Variants in KCNQ3 observed in about 807,000 individuals in gnomAD.
KCNQ3 encodes the protein potassium voltage-gated channel subfamily KQT member 3.
Under a neutral mutation model 92.5 loss-of-function variants are expected in KCNQ3, and 30 were observed. The ratio of observed to expected loss-of-function variants is 0.32; its 90% CI spans 0.24 to 0.44. KCNQ3 has a LOEUF of 0.44. Among genes scored for constraint, KCNQ3 ranks in the 20% least tolerant of loss-of-function variants. The pLI is 1.00. For synonymous variants in KCNQ3, 450 were observed against 468.8 expected (o/e 0.96, Z 0.52); for missense variants, 913 against 1,140.3 (o/e 0.80, Z 2.87).
intron 1 of KCNQ3, among the ~76,000 whole-genome samples, chr8:132,375,950 G>A (rs1410540228): frequency 6.6e-6 from 1 of 152,104 alleles, no homozygotes; most frequent in Non-Finnish European, 1.5e-5. Context: ...TAGAAATCTG[G>A]GTCTCATTTA....
intron 1 of KCNQ3, among the ~76,000 whole-genome samples, chr8:132,346,741 G>C (rs924672170): frequency 1.3e-5 from 2 of 152,198 alleles, no homozygotes; most frequent in African/African-American, 2.4e-5. Context: ...TCTCCTACCA[G>C]ACTTGTTTAA....
intron 1 of KCNQ3, among the ~76,000 whole-genome samples, chr8:132,334,231 C>T (rs553677391): frequency 2.6e-5 from 4 of 151,804 alleles, no homozygotes; most frequent in South Asian, 4.2e-4. Flanking sequence ...CCTGTAATCT[C>T]GGAGGCGGAG....
chr8:132,462,108 C>T (rs927442127), intron 1 of KCNQ3, among the ~76,000 whole-genome samples: 1 of 152,122 alleles, frequency 6.6e-6, no homozygotes, highest in African/African-American at 2.4e-5. Flanking sequence ...CAAGTGTAAA[C>T]CATAAAAATC....
At position 132,412,042 on chromosome 8, in the gene KCNQ3, T is replaced by C. The variant is rs546002419; in HGVS notation, c.386+68105A>G. Among the ~76,000 whole-genome samples, 74 of 152,298 alleles carry C rather than the reference T, an allele frequency of 4.9e-4. 1 individual carries two copies. In the South Asian group the frequency reaches 0.015, roughly 30 times the overall value. ...TAGCTCTATCCCTTACTTATGGTGC[T>C]ATGCAGAAGGTTCACCCCATGGCAC... On this transcript the variant is annotated intron_variant, in intron 1 of 14. Transcript: ENST00000388996.
intron 1 of KCNQ3, among the ~76,000 whole-genome samples, chr8:132,346,756 C>G (rs766723379): frequency 3.3e-5 from 5 of 152,154 alleles, no homozygotes; most frequent in Admixed American, 6.5e-5. Context: ...GTTTAACCTG[C>G]AGGACAGAGT....
In KCNQ3 at chr8:132,353,835, A is replaced by C. The variant is rs185281624; in HGVS notation, c.386+126312T>G. Among the ~76,000 whole-genome samples, 279 of 152,318 alleles carry C rather than the reference A, an allele frequency of 1.8e-3. 1 individual carries two copies. Among genetic ancestry groups the C allele is most frequent in the African/African-American group, 6.4e-3 (266 of 41,578 alleles). ...CCTCAAAACAAACAAACAAACAAGC[A>C]AACAAACAAAAACTTTGGATTTTTG... On this transcript the variant is annotated intron_variant, in intron 1 of 14. Coordinates refer to ENST00000388996, the MANE Select transcript of KCNQ3 (RefSeq NM_004519.4).
At chr8:132,273,565 G>C (rs1816231179) in intron 1 of KCNQ3, among the ~76,000 whole-genome samples, 1 of 152,174 alleles carries the variant, frequency 6.6e-6, no homozygotes. Flanking sequence ...ATCAACATTT[G>C]ACTCTTTGTT....
chr8:132,138,200 T>A (rs1019498675), intron 11 of KCNQ3, among the ~76,000 whole-genome samples, 184 bp from the exon 12 acceptor site: 1 of 152,226 alleles, frequency 6.6e-6, no homozygotes, highest in African/African-American at 2.4e-5. Flanking sequence ...TACATCTCCA[T>A]CAGGATTACT....
rs553931640 is a variant in KCNQ3 at position 132,380,931 on chromosome 8, G to GAAAA, written c.386+99212_386+99215dup. On this transcript the variant is annotated intron_variant, in intron 1 of 14. Coordinates refer to ENST00000388996, the MANE Select transcript of KCNQ3 (RefSeq NM_004519.4). ...TTCTACAGAAAAAGAAATGAAAGCAGAAAAAAAAAAAAAAAAAAAACAACC... is the reference window on the plus strand; with the variant it reads ...TTCTACAGAAAAAGAAATGAAAGCAGAAAAAAAAAAAAAAAAAAAAAAAACAACC... 1.2e-3 allele frequency among the ~76,000 whole-genome samples: 109 copies of GAAAA among 87,336 alleles called. 1 individual carries two copies. Among genetic ancestry groups the GAAAA allele is most frequent in the Non-Finnish European group, 2.0e-3 (79 of 39,968 alleles). 57.3% of individuals were successfully genotyped at this position (87,336 alleles called of 152,430 possible).
chr8:132,337,703 C>T (rs1818403400), intron 1 of KCNQ3, among the ~76,000 whole-genome samples: 1 of 152,112 alleles, frequency 6.6e-6, no homozygotes, highest in African/African-American at 2.4e-5. Context: ...TGGAAATCAC[C>T]ATGCACACAC....
intron 1 of KCNQ3, among the ~76,000 whole-genome samples, chr8:132,307,906 T>A (rs1348005159): frequency 6.6e-6 from 1 of 152,182 alleles, no homozygotes; most frequent in Non-Finnish European, 1.5e-5. Context: ...CATAGGGTTC[T>A]CTTTATGTTC....
intron 9 of KCNQ3, among the ~76,000 whole-genome samples, chr8:132,153,348 A>G (rs1316205658): frequency 1.3e-5 from 2 of 152,216 alleles, no homozygotes; most frequent in Admixed American, 6.5e-5. Context: ...TGTATGTGTC[A>G]TAAGACATCC....
chr8:132,410,832 A>T (rs1044312026), intron 1 of KCNQ3, among the ~76,000 whole-genome samples: 2 of 152,234 alleles, frequency 1.3e-5, no homozygotes, highest in Non-Finnish European at 2.9e-5. Context: ...AGCGTGACAG[A>T]TGGCAAAGTG....
At chr8:132,246,623 C>T (rs536654006) in intron 1 of KCNQ3, among the ~76,000 whole-genome samples, 1 of 152,336 alleles carries the variant, frequency 6.6e-6, no homozygotes, top group South Asian at 2.1e-4. Flanking sequence ...TAGATTGTTA[C>T]AGTCTGTGCA....
chr8:132,188,643 A>G (rs1250604765), intron 1 of KCNQ3, among the ~76,000 whole-genome samples: 3 of 152,200 alleles, frequency 2.0e-5, no homozygotes, highest in African/African-American at 7.2e-5. Context: ...TTTAATATCA[A>G]TTTATTTGGT....
intron 1 of KCNQ3, among the ~76,000 whole-genome samples, chr8:132,191,520 C>CTATA (rs201292844): frequency 2.0e-5 from 3 of 150,398 alleles, no homozygotes; most frequent in African/African-American, 7.3e-5. Flanking sequence ...GTATCTCTCT[C>CTATA]TCTATATATA....
At chr8:132,445,403 C>T (rs1002415724) in intron 1 of KCNQ3, among the ~76,000 whole-genome samples, 3 of 152,168 alleles carry the variant, frequency 2.0e-5, no homozygotes, top group African/African-American at 7.2e-5. Flanking sequence ...CCAGACTCTG[C>T]GTTCACTGTG....
chr8:132,387,396 A>T (rs1333321299), intron 1 of KCNQ3, among the ~76,000 whole-genome samples: 1 of 152,216 alleles, frequency 6.6e-6, no homozygotes, highest in African/African-American at 2.4e-5. Context: ...ATAGAAAGAT[A>T]CTTTCTTAAT....
At chr8:132,271,398 T>C (rs146923540) in intron 1 of KCNQ3, among the ~76,000 whole-genome samples, 2 of 152,392 alleles carry the variant, frequency 1.3e-5, no homozygotes, top group South Asian at 4.1e-4. Context: ...GGGCTTCTTC[T>C]ATGAACTGCT....
Sources: allele counts gnomAD v4.1 joint callset (sites outside exome capture counted in the v4.1 genomes callset), GRCh38; gene constraint gnomAD v4.1.1; transcripts MANE v1.5; gene names NCBI Gene and HGNC (gene_info 2026-07-23, HGNC 2026-07-21).